Variants in PCDHGB2 observed in about 807,000 individuals in gnomAD.
The protein encoded by PCDHGB2 is protocadherin gamma subfamily B, 2.
In PCDHGB2, 55 loss-of-function variants were observed where a neutral mutation model predicts 59.3. The observed-to-expected ratio is 0.93, with a 90% CI of 0.75 to 1.16. The LOEUF (loss-of-function observed/expected upper bound fraction) is 1.16. PCDHGB2 is among the 50% of genes most tolerant of loss of function. The pLI is 0.00. For synonymous variants in PCDHGB2, 516 were observed against 512.0 expected, an observed-to-expected ratio of 1.01 and a Z score of -0.11; for missense variants, 1,228 against 1,198.5, an observed-to-expected ratio of 1.02 and a Z score of -0.36.
intron 1 of PCDHGB2, chr5:141,424,098 C>T: frequency 8.3e-6 from 7 of 846,340 alleles, no homozygotes; most frequent in Non-Finnish European, 1.0e-5. Flanking sequence ...TTTGCTATTA[C>T]TGCTAATGTT....
chr5:141,441,036 A>G (rs2098219746), intron 1 of PCDHGB2: 1 of 152,216 alleles, frequency 6.6e-6, no homozygotes, highest in South Asian at 2.1e-4. Context: ...TGAAAACTTT[A>G]AGTACATTGG....
intron 2 of PCDHGB2, among the ~76,000 whole-genome samples, chr5:141,503,388 A>C (rs1456500896): frequency 6.6e-6 from 1 of 152,004 alleles, no homozygotes; most frequent in East Asian, 1.9e-4. Flanking sequence ...TGAGGTCAGG[A>C]GTTCGAAACC....
chr5:141,410,402 A>G, intron 1 of PCDHGB2: 1 of 1,614,008 alleles, frequency 6.2e-7, no homozygotes, highest in South Asian at 1.1e-5. Flanking sequence ...TCTCTGTGTC[A>G]AGTCTGGACC....
At chr5:141,374,199 T>C in intron 1 of PCDHGB2, 2 of 1,613,856 alleles carry the variant, frequency 1.2e-6, no homozygotes, top group Non-Finnish European at 1.7e-6. Flanking sequence ...CCCGAGGAGC[T>C]GGAGAAAGGC....
intron 2 of PCDHGB2, among the ~76,000 whole-genome samples, chr5:141,497,390 C>T (rs2099776143): frequency 6.6e-6 from 1 of 152,158 alleles, no homozygotes; most frequent in Non-Finnish European, 1.5e-5. Context: ...GAGCACCTTA[C>T]CCCTGCCTCA....
intron 1 of PCDHGB2, chr5:141,409,922 T>C (rs752487198): frequency 1.2e-6 from 2 of 1,613,182 alleles, no homozygotes; most frequent in African/African-American, 2.7e-5. Context: ...CGGCTCCGCG[T>C]TCTTCGATAT....
chr5:141,479,801 G>A (rs2099507037), intron 1 of PCDHGB2, among the ~76,000 whole-genome samples: 1 of 152,118 alleles, frequency 6.6e-6, no homozygotes, highest in Non-Finnish European at 1.5e-5. Flanking sequence ...AATTCAGGGT[G>A]GTATGCAAGG....
intron 1 of PCDHGB2, among the ~76,000 whole-genome samples, chr5:141,386,301 G>T (rs1049977575): frequency 1.3e-5 from 2 of 152,180 alleles, no homozygotes; most frequent in Non-Finnish European, 1.5e-5. Context: ...TTTTAGTAAA[G>T]CTCAGTATAT....
At chr5:141,384,090 A>T in intron 1 of PCDHGB2, 3 of 1,596,410 alleles carry the variant, frequency 1.9e-6, no homozygotes, top group Non-Finnish European at 2.6e-6. Flanking sequence ...TAGAAAAATC[A>T]ATAGATAATT....
chr5:141,482,661 T>A (rs1215403061), intron 1 of PCDHGB2, among the ~76,000 whole-genome samples: 2 of 151,742 alleles, frequency 1.3e-5, no homozygotes, highest in African/African-American at 4.9e-5. Flanking sequence ...TGAGCTATGA[T>A]CTAAAGGTTG....
At chr5:141,389,325 C>T (rs368804822) in intron 1 of PCDHGB2, 6 of 1,613,886 alleles carry the variant, frequency 3.7e-6, no homozygotes, top group Admixed American at 3.3e-5. Flanking sequence ...GGACTTGGGG[C>T]CCAACGGCCA....
At chr5:141,466,528 T>C (rs1171715691) in intron 1 of PCDHGB2, among the ~76,000 whole-genome samples, 1 of 152,204 alleles carries the variant, frequency 6.6e-6, no homozygotes, top group African/African-American at 2.4e-5. Context: ...TCCTCCCAAA[T>C]TGATGTAGAT....
rs1389786201 is a variant in PCDHGB2, at chr5:141,486,949, G to A, written c.2422-7858G>A. 4 of 1,614,224 alleles carry A rather than the reference G, an allele frequency of 2.5e-6. No individual in the cohort carries two copies. Among genetic ancestry groups the A allele is most frequent in the African/African-American group, 2.7e-5 (2 of 75,064 alleles). ...TTGGTGCTGGCCACCTAATCACAAA[G>A]GTGACTGCTGTGGACTTGGATTCAG... On this transcript the variant is annotated intron_variant, in intron 1 of 3. Coordinates refer to ENST00000522605, the MANE Select transcript of PCDHGB2 (RefSeq NM_018923.3). The surrounding 1 kb of genome is among the most constrained non-coding windows in gnomAD (Gnocchi z 5.0).
chr5:141,427,440 G>T (rs747459662), intron 1 of PCDHGB2: 3 of 477,366 alleles, frequency 6.3e-6, no homozygotes, highest in South Asian at 3.1e-5. Flanking sequence ...CCTCATAAAC[G>T]AAAGAGTTCC....
At chr5:141,456,723 G>A (rs1005891499) in intron 1 of PCDHGB2, among the ~76,000 whole-genome samples, 3 of 152,196 alleles carry the variant, frequency 2.0e-5, no homozygotes, top group Admixed American at 6.5e-5. Flanking sequence ...CCAGCACTTT[G>A]GGAGGCTGAG....
intron 1 of PCDHGB2, among the ~76,000 whole-genome samples, chr5:141,406,087 T>TA (rs113984376): frequency 6.7e-6 from 1 of 148,544 alleles, no homozygotes; most frequent in African/African-American, 2.5e-5. Flanking sequence ...TTTTTTTTTT[T>TA]AAGAGATGGG....
chr5:141,401,655 A>G (rs1011518295), intron 1 of PCDHGB2, among the ~76,000 whole-genome samples: 2 of 152,232 alleles, frequency 1.3e-5, no homozygotes, highest in South Asian at 2.1e-4. Context: ...AAATGACTGG[A>G]TGTTTTCTCA....
intron 1 of PCDHGB2, chr5:141,399,620 C>T: frequency 6.2e-7 from 1 of 1,613,940 alleles, no homozygotes; most frequent in Non-Finnish European, 8.5e-7. Flanking sequence ...CTGGCACTGG[C>T]CTCTTACGTG....
At chr5:141,447,549 A>T (rs1387130901) in intron 1 of PCDHGB2, among the ~76,000 whole-genome samples, 1 of 152,216 alleles carries the variant, frequency 6.6e-6, no homozygotes, top group Non-Finnish European at 1.5e-5. Context: ...TAATGTTATG[A>T]GTACACTTGG....
Sources: gnomAD v4.1 joint callset for allele counts (sites outside exome capture counted in the v4.1 genomes callset) on GRCh38, gnomAD v4.1.1 for gene constraint, Gnocchi (gnomAD v3.1) non-coding constraint, MANE v1.5 for transcripts, NCBI Gene and HGNC (gene_info 2026-07-23, HGNC 2026-07-21) for gene names.